The following DSE variants were observed in gnomAD, a reference collection of about 807,000 sequenced individuals.
DSE encodes dermatan-sulfate epimerase.
Under a neutral mutation model 84.4 loss-of-function variants are expected in DSE, and 36 were observed. The observed-to-expected ratio is 0.43, with a 90% CI of 0.33 to 0.56. The LOEUF (loss-of-function observed/expected upper bound fraction) is 0.56. DSE is among the 20% of genes least tolerant of loss of function. The pLI is 0.06. For synonymous variants in DSE, 410 were observed against 430.1 expected (o/e 0.95, Z 0.58); for missense variants, 862 against 1,169.6 (o/e 0.74, Z 3.84).
At chr6:116,279,933 C>G (rs1403202614) in intron 2 of DSE, 4 of 1,538,356 alleles carry the variant, frequency 2.6e-6, no homozygotes, top group Admixed American at 1.7e-5. Context: ...GTCTCACTAA[C>G]ATTTCAGCGG....
chr6:116,334,944 A>G (rs2114800964), intron 2 of DSE, among the ~76,000 whole-genome samples: 2 of 152,348 alleles, frequency 1.3e-5, no homozygotes, highest in Middle Eastern at 3.4e-3. Context: ...GGAAGTGTAA[A>G]TTAGTTCAAC....
chr6:116,265,673 C>G (rs1205254040), intron 2 of DSE, among the ~76,000 whole-genome samples: 2 of 152,088 alleles, frequency 1.3e-5, no homozygotes, highest in East Asian at 3.9e-4. Context: ...GACCACCCTG[C>G]AAGCAGGAAT....
intron 1 of DSE, among the ~76,000 whole-genome samples, chr6:116,379,854 T>G: frequency 6.6e-6 from 1 of 152,168 alleles, no homozygotes; most frequent in Middle Eastern, 3.2e-3. Context: ...AATTTCAGAT[T>G]GTTGGACCAC....
At chr6:116,343,373 G>A (rs1014914906) in intron 2 of DSE, among the ~76,000 whole-genome samples, 7 of 152,214 alleles carry the variant, frequency 4.6e-5, no homozygotes, top group Non-Finnish European at 7.3e-5. Context: ...CCCCCAAGTA[G>A]CCTAAATGGG....
chr6:116,305,896 C>T (rs945624630), intron 2 of DSE, among the ~76,000 whole-genome samples: 3 of 152,196 alleles, frequency 2.0e-5, no homozygotes, highest in Non-Finnish European at 4.4e-5. Context: ...CCCACTTCAG[C>T]CTCCCAAAGT....
chr6:116,314,102 G>T (rs1775839724), intron 2 of DSE, among the ~76,000 whole-genome samples: 1 of 151,884 alleles, frequency 6.6e-6, no homozygotes, highest in Admixed American at 6.6e-5. Context: ...TTCTGTCAGT[G>T]CTGTCTCTTA....
At chr6:116,422,149 C>T (rs1411126586) in intron 2 of DSE, among the ~76,000 whole-genome samples, 1 of 152,140 alleles carries the variant, frequency 6.6e-6, no homozygotes, top group African/African-American at 2.4e-5. Flanking sequence ...TGTTATTTTG[C>T]ATGTGTGTTC....
chr6:116,313,219 A>T (rs920856306), intron 2 of DSE, among the ~76,000 whole-genome samples: 1 of 152,222 alleles, frequency 6.6e-6, no homozygotes, highest in Non-Finnish European at 1.5e-5. Context: ...GCAAGGAAGG[A>T]ACATCCCCTG....
At chr6:116,385,708 T>C (rs1485847607) in intron 1 of DSE, among the ~76,000 whole-genome samples, 1 of 152,052 alleles carries the variant, frequency 6.6e-6, no homozygotes, top group East Asian at 1.9e-4. Context: ...ATTTGAAAAG[T>C]ATGCTGGGAT....
chr6:116,376,028 A>G (rs774529744), intron 1 of DSE, among the ~76,000 whole-genome samples: 1 of 152,208 alleles, frequency 6.6e-6, no homozygotes, highest in Non-Finnish European at 1.5e-5. Context: ...CTCCAAATTC[A>G]TATTATTAAA....
At chr6:116,279,997 G>A (rs1179501698) in intron 2 of DSE, 6 of 984,608 alleles carry the variant, frequency 6.1e-6, no homozygotes, top group African/African-American at 4.8e-5. Flanking sequence ...GCTGAGCCCG[G>A]GATTGGTTCC....
At chr6:116,353,191 T>C (rs1778405205) in intron 2 of DSE, among the ~76,000 whole-genome samples, 2 of 152,146 alleles carry the variant, frequency 1.3e-5, no homozygotes, top group South Asian at 4.1e-4. Context: ...GTATAAACAC[T>C]GATGGATATT....
intron 1 of DSE, among the ~76,000 whole-genome samples, chr6:116,387,298 G>A (rs1780635113): frequency 6.6e-6 from 1 of 151,666 alleles, no homozygotes. Flanking sequence ...ACAGTACTTA[G>A]GAAAAAAAAG....
chr6:116,279,186 C>A, intron 2 of DSE: 1 of 1,611,874 alleles, frequency 6.2e-7, no homozygotes, highest in Non-Finnish European at 8.5e-7. Context: ...CTTCTTCCTC[C>A]CTCGCCTCCT....
intron 2 of DSE, among the ~76,000 whole-genome samples, chr6:116,409,171 T>G (rs184675269): frequency 6.6e-6 from 1 of 152,290 alleles, no homozygotes; most frequent in East Asian, 1.9e-4. Context: ...TCTTTATTAC[T>G]TCACTTATAT....
intron 2 of DSE, among the ~76,000 whole-genome samples, chr6:116,298,221 C>T (rs1018030375): frequency 6.6e-6 from 1 of 152,120 alleles, no homozygotes; most frequent in Non-Finnish European, 1.5e-5. Context: ...AATGCCCTCC[C>T]CCCAGGAAAG....
At chr6:116,314,636 TCAG>T (rs1177056900) in intron 2 of DSE, among the ~76,000 whole-genome samples, 1 of 152,222 alleles carries the variant, frequency 6.6e-6, no homozygotes, top group East Asian at 1.9e-4. Context: ...GGGGAAATGG[TCAG>T]ATTTGCTTTA....
intron 2 of DSE, chr6:116,276,481 G>A (rs183668323): frequency 6.6e-6 from 1 of 152,194 alleles, no homozygotes; most frequent in Non-Finnish European, 1.5e-5. Flanking sequence ...AACATACCGT[G>A]CCCTGCTTTC....
At chr6:116,280,926 A>T (rs1240380820) in intron 2 of DSE, among the ~76,000 whole-genome samples, 1 of 152,232 alleles carries the variant, frequency 6.6e-6, no homozygotes, top group African/African-American at 2.4e-5. Flanking sequence ...GTTATTTTCT[A>T]CTTAATTTGC....
Sources: allele counts gnomAD v4.1 joint callset (sites outside exome capture counted in the v4.1 genomes callset), GRCh38; gene constraint gnomAD v4.1.1; transcripts MANE v1.5; gene names NCBI Gene and HGNC (gene_info 2026-07-23, HGNC 2026-07-21).